CARD8: variants seen among roughly 807,000 people sequenced by gnomAD.
The protein encoded by CARD8 is caspase recruitment domain-containing protein 8.
CARD8 carries 38 observed loss-of-function variants against 53.2 expected under a neutral mutation model. The observed-to-expected ratio is 0.71, with a 90% confidence interval of 0.55 to 0.94. CARD8 has a LOEUF of 0.94. Ranked by LOEUF, CARD8 falls within the 40% of genes least tolerant of loss-of-function variation. The probability of loss-of-function intolerance (pLI) is 0.00; values close to 1 mark genes in which losing one functional copy is unlikely to be tolerated. For synonymous variants in CARD8, 245 were observed against 244.9 expected, an observed-to-expected ratio of 1.00 and a Z score of 0.00; for missense variants, 561 against 655.5, an observed-to-expected ratio of 0.86 and a Z score of 1.57.
intron 11 of CARD8, 130 bp from the exon 12 acceptor site, chr19:48,219,142 G>A: frequency 2.6e-6 from 2 of 764,712 alleles, no homozygotes; most frequent in South Asian, 1.7e-5. Flanking sequence ...GGAAACAGAG[G>A]GAGAGAGGTA....
In CARD8 at chr19:48,211,392, T is replaced by C; in HGVS notation, c.*318A>G. The C allele has an allele frequency of 4.4e-6, 1 of 229,202 alleles. No homozygotes were observed. The allele number at this position is 229,202 out of a possible 1,614,324, so 14.2% of individuals were successfully genotyped here. On this transcript the variant is annotated 3_prime_UTR_variant, in exon 14 of 14. Coordinates refer to ENST00000651546, the MANE Select transcript of CARD8 (RefSeq NM_001184900.3). ...TTGCCTTTCCAGGCCCCATCCTTCATAAACACACCTATCCGGATGTCCTTT... is the reference window on the plus strand; with the variant it reads ...TTGCCTTTCCAGGCCCCATCCTTCACAAACACACCTATCCGGATGTCCTTT...
intron 10 of CARD8, among the ~76,000 whole-genome samples, chr19:48,226,053 C>CAAAAAAAAAA (rs35050640): frequency 2.5e-5 from 2 of 78,478 alleles, no homozygotes; most frequent in South Asian, 4.6e-4. Flanking sequence ...GACTCCGTCT[C>CAAAAAAAAAA]AAAAAAAAAA....
chr19:48,242,964 G>C (rs10420204), intron 3 of CARD8, among the ~76,000 whole-genome samples: 30,891 of 151,988 alleles, frequency 0.2, 3,441 homozygotes, highest in East Asian at 0.32. Context: ...ATAAGTTATT[G>C]TGATTTTTGA....
At chr19:48,203,159 T>G (rs2037233020), downstream of CARD8, 1 of 152,170 alleles carries the variant, frequency 6.6e-6, no homozygotes, top group African/African-American at 2.4e-5. Flanking sequence ...CCAATTAAAC[T>G]TCTTTAAATT....
chr19:48,239,909 G>A (rs1560689), intron 4 of CARD8, among the ~76,000 whole-genome samples: 8,680 of 152,154 alleles, frequency 0.057, 630 homozygotes, highest in African/African-American at 0.17. Context: ...TTCATAGAGG[G>A]CAGACTTCTT....
At chr19:48,224,858 A>T (rs2041421671) in intron 10 of CARD8, among the ~76,000 whole-genome samples, 1 of 149,144 alleles carries the variant, frequency 6.7e-6, no homozygotes. Context: ...AGGTTCAGCC[A>T]TTCTCCCACC....
chr19:48,219,105 C>T, intron 11 of CARD8, 93 bp from the exon 12 acceptor site: 1 of 1,144,456 alleles, frequency 8.7e-7, no homozygotes, highest in Non-Finnish European at 1.3e-6. Context: ...AACCCGTTTC[C>T]TGTGCAATGT....
At chr19:48,236,505 C>T (rs1314552988) in intron 5 of CARD8, among the ~76,000 whole-genome samples, 1 of 152,208 alleles carries the variant, frequency 6.6e-6, no homozygotes, top group Admixed American at 6.5e-5. Context: ...TGAGCCACCG[C>T]ACCCAGTCTG....
intron 3 of CARD8, 62 bp from the exon 4 acceptor site, chr19:48,241,125 C>T: frequency 1.1e-6 from 1 of 894,884 alleles, no homozygotes; most frequent in African/African-American, 1.7e-5. Context: ...TAAATCTTAG[C>T]TTCTGTGTCT....
chr19:48,205,606 G>T (rs2037314396), downstream of CARD8, among the ~76,000 whole-genome samples: 1 of 152,148 alleles, frequency 6.6e-6, no homozygotes, highest in Non-Finnish European at 1.5e-5. Flanking sequence ...TGCTGTTGAG[G>T]CATCCCAACA....
chr19:48,225,895 A>T (rs1395589557), intron 10 of CARD8, among the ~76,000 whole-genome samples: 2 of 152,130 alleles, frequency 1.3e-5, no homozygotes, highest in African/African-American at 4.8e-5. Context: ...TCTACTAAAA[A>T]TACGAAAATT....
intron 12 of CARD8, 41 bp from the exon 13 acceptor site, chr19:48,215,425 T>G: frequency 1.5e-6 from 2 of 1,371,578 alleles, no homozygotes; most frequent in Non-Finnish European, 2.1e-6. Flanking sequence ...ATGAGATAAA[T>G]CATGTACCCT....
intron 1 of CARD8, among the ~76,000 whole-genome samples, chr19:48,252,444 C>T (rs2047039266): frequency 6.6e-6 from 1 of 150,878 alleles, no homozygotes; most frequent in South Asian, 2.1e-4. Flanking sequence ...AAATAAAATA[C>T]ATATACACAA....
intron 10 of CARD8, among the ~76,000 whole-genome samples, chr19:48,222,254 A>C (rs569144010): frequency 6.6e-6 from 1 of 152,332 alleles, no homozygotes; most frequent in South Asian, 2.1e-4. Context: ...GTCTGTGAAC[A>C]CGTCTATGAT....
intron 12 of CARD8, among the ~76,000 whole-genome samples, chr19:48,216,973 C>T (rs1466351744): frequency 6.6e-6 from 1 of 151,740 alleles, no homozygotes. Context: ...ACTAGGTGGT[C>T]CCATCTCGGG....
At chr19:48,245,158 G>A (rs766703159) in intron 3 of CARD8, among the ~76,000 whole-genome samples, 35 of 152,260 alleles carry the variant, frequency 2.3e-4, no homozygotes, top group Admixed American at 4.6e-4. Context: ...GAAACATAAC[G>A]AATCACCTGA....
downstream of CARD8, among the ~76,000 whole-genome samples, chr19:48,205,940 C>G (rs1380496552): frequency 1.3e-5 from 2 of 152,130 alleles, no homozygotes; most frequent in Non-Finnish European, 2.9e-5. Flanking sequence ...CTCTGTCACC[C>G]AGGCTGGAGT....
At chr19:48,248,928 T>C (rs1417916593) in intron 3 of CARD8, among the ~76,000 whole-genome samples, 2 of 152,218 alleles carry the variant, frequency 1.3e-5, no homozygotes, top group Admixed American at 1.3e-4. Context: ...CCGGGCACGG[T>C]GGCTCACGCC....
chr19:48,235,367 C>T (rs116635308), intron 5 of CARD8, among the ~76,000 whole-genome samples: 1,605 of 152,272 alleles, frequency 0.011, 30 homozygotes, highest in African/African-American at 0.036. Context: ...AAAATCAGTT[C>T]CTCCTTTGAA....
Sources: gnomAD v4.1 joint callset for allele counts (sites outside exome capture counted in the v4.1 genomes callset) on GRCh38, gnomAD v4.1.1 for gene constraint, MANE v1.5 for transcripts, NCBI Gene and HGNC (gene_info 2026-07-23, HGNC 2026-07-21) for gene names.